Variants in STARD13 observed in about 807,000 individuals in gnomAD.
The protein encoded by STARD13 is StAR related lipid transfer domain containing 13, also known as stAR-related lipid transfer protein 13.
A neutral mutation model predicts 106.4 loss-of-function variants in STARD13; 62 were observed. The observed-to-expected ratio is 0.58, with a 90% CI of 0.48 to 0.72. The LOEUF (loss-of-function observed/expected upper bound fraction) is 0.72. Among genes scored for constraint, STARD13 ranks in the 30% least tolerant of loss-of-function variants. The probability of loss-of-function intolerance (pLI) is 0.00; values close to 1 mark genes in which losing one functional copy is unlikely to be tolerated. For synonymous variants in STARD13, 565 were observed against 553.0 expected, an observed-to-expected ratio of 1.02 and a Z score of -0.31; for missense variants, 1,387 against 1,424.0, an observed-to-expected ratio of 0.97 and a Z score of 0.42.
chr13:33,144,306 T>C (rs1224405761), intron 3 of STARD13, among the ~76,000 whole-genome samples: 2 of 152,240 alleles, frequency 1.3e-5, no homozygotes, highest in African/African-American at 4.8e-5. Flanking sequence ...CTTGAGGCTC[T>C]ACTCCTTCAC....
chr13:33,275,003 C>T (rs1481680251), intron 1 of STARD13, among the ~76,000 whole-genome samples: 1 of 152,126 alleles, frequency 6.6e-6, no homozygotes, highest in Non-Finnish European at 1.5e-5. Flanking sequence ...GCTAGGAACA[C>T]TTCCTGCCAA....
chr13:33,559,398 A>ATTTTATATAGTTGGTGTTAAAT, the STARD13 span, among the ~76,000 whole-genome samples: 1 of 151,606 alleles, frequency 6.6e-6, no homozygotes, highest in East Asian at 1.9e-4. Context: ...GGGACCTTCA[A>ATTTTATATAGTTGGTGTTAAAT]ACTTTATATA....
At chr13:33,173,272 C>T (rs186848575) in intron 1 of STARD13, among the ~76,000 whole-genome samples, 2 of 152,302 alleles carry the variant, frequency 1.3e-5, no homozygotes, top group Admixed American at 6.5e-5. Flanking sequence ...TGTCTTCAGA[C>T]AGAATTTCTC....
At chr13:33,434,770 T>G in the STARD13 span, among the ~76,000 whole-genome samples, 2 of 152,142 alleles carry the variant, frequency 1.3e-5, no homozygotes, top group Non-Finnish European at 2.9e-5. Context: ...GTTCATTTAG[T>G]CAGCAAATGT....
At chr13:33,407,092 A>G in the STARD13 span, among the ~76,000 whole-genome samples, 153 of 152,340 alleles carry the variant, frequency 1.0e-3, no homozygotes, top group Non-Finnish European at 1.9e-3. Context: ...TGGGTTCTCA[A>G]TGTAAAAGTT....
the STARD13 span, among the ~76,000 whole-genome samples, chr13:33,560,532 C>T: frequency 1.3e-5 from 2 of 151,268 alleles, no homozygotes; most frequent in Non-Finnish European, 2.9e-5. Flanking sequence ...ATCAGTCTTA[C>T]ATCCCGTGGG....
At chr13:33,270,798 T>G (rs1397356800) in intron 1 of STARD13, among the ~76,000 whole-genome samples, 1 of 152,184 alleles carries the variant, frequency 6.6e-6, no homozygotes, top group Non-Finnish European at 1.5e-5. Context: ...TGTGTCAGGT[T>G]GTCTTATCCA....
the STARD13 span, among the ~76,000 whole-genome samples, chr13:33,406,090 C>T: frequency 7.2e-5 from 11 of 152,266 alleles, no homozygotes; most frequent in African/African-American, 2.6e-4. Context: ...ATGAAGATGA[C>T]ATTCACAGAA....
At chr13:33,603,308 C>A in the STARD13 span, among the ~76,000 whole-genome samples, 1 of 152,256 alleles carries the variant, frequency 6.6e-6, no homozygotes, top group Middle Eastern at 3.4e-3. Flanking sequence ...TGATTAAAAC[C>A]TTCTTCCTTG....
At chr13:33,543,621 T>C in the STARD13 span, among the ~76,000 whole-genome samples, 1 of 152,218 alleles carries the variant, frequency 6.6e-6, no homozygotes, top group Non-Finnish European at 1.5e-5. Flanking sequence ...CTTGACTCTT[T>C]GATTGTATTT....
the STARD13 span, among the ~76,000 whole-genome samples, chr13:33,458,626 C>T: frequency 6.6e-6 from 1 of 152,110 alleles, no homozygotes; most frequent in Admixed American, 6.5e-5. Context: ...CTAACACAGA[C>T]AGGGTCTTTA....
At chr13:33,216,045 T>TA (rs544684024) in intron 1 of STARD13, among the ~76,000 whole-genome samples, 126 of 151,850 alleles carry the variant, frequency 8.3e-4, no homozygotes, top group African/African-American at 2.9e-3. Context: ...ATGGCCATAA[T>TA]AAAAAAAATA....
At chr13:33,189,429 CCTT>C (rs1189826501) in intron 1 of STARD13, among the ~76,000 whole-genome samples, 1 of 57,424 alleles carries the variant, frequency 1.7e-5, no homozygotes, top group Non-Finnish European at 3.3e-5. Context: ...CCTCCTTCCT[CCTT>C]TCGGAGGAAG....
the STARD13 span, among the ~76,000 whole-genome samples, chr13:33,617,856 CAT>C: frequency 6.6e-6 from 1 of 152,206 alleles, no homozygotes; most frequent in South Asian, 2.1e-4. Context: ...CATATGTAAA[CAT>C]AAAATAGAGA....
the STARD13 span, among the ~76,000 whole-genome samples, chr13:33,418,656 C>T: frequency 4.6e-4 from 70 of 152,330 alleles, 1 homozygote; most frequent in African/African-American, 1.5e-3. Flanking sequence ...CCCTGACCCC[C>T]GTGTAGCCAA....
At chr13:33,353,449 C>A (rs1045970373), upstream of STARD13, among the ~76,000 whole-genome samples, 1 of 152,150 alleles carries the variant, frequency 6.6e-6, no homozygotes, top group African/African-American at 2.4e-5. Flanking sequence ...TCAGGCGACA[C>A]CCTCCCCTGG....
intron 3 of STARD13, among the ~76,000 whole-genome samples, chr13:33,160,684 C>A (rs528129193): frequency 6.6e-6 from 1 of 152,232 alleles, no homozygotes; most frequent in East Asian, 1.9e-4. Flanking sequence ...ACATATTCAA[C>A]ATTATTAGTC....
chr13:33,599,738 G>A, the STARD13 span, among the ~76,000 whole-genome samples: 10 of 152,248 alleles, frequency 6.6e-5, no homozygotes, highest in African/African-American at 2.4e-4. Flanking sequence ...GACAGAGAAA[G>A]ACTTCTTTAT....
At chr13:33,399,700 C>CAAAAAA in the STARD13 span, among the ~76,000 whole-genome samples, 5 of 26,966 alleles carry the variant, frequency 1.9e-4, no homozygotes, top group Middle Eastern at 0.038. Flanking sequence ...GACTCTGTCT[C>CAAAAAA]AAAAAAAAAA....
Sources: gnomAD v4.1 joint callset for allele counts (sites outside exome capture counted in the v4.1 genomes callset) on GRCh38, gnomAD v4.1.1 for gene constraint, MANE v1.5 for transcripts, NCBI Gene and HGNC (gene_info 2026-07-23, HGNC 2026-07-21) for gene names.